The following C9 variants were observed in gnomAD, a reference collection of about 807,000 sequenced individuals.
The protein encoded by C9 is complement component C9.
Under a neutral mutation model 65.4 loss-of-function variants are expected in C9, and 63 were observed. The observed-to-expected ratio is 0.96, with a 90% CI of 0.79 to 1.19. The LOEUF is 1.19. Ranked by LOEUF, C9 falls within the 50% of genes most tolerant of loss-of-function variation. The probability of loss-of-function intolerance (pLI) is 0.00; values close to 1 mark genes in which losing one functional copy is unlikely to be tolerated. For synonymous variants in C9, 229 were observed against 227.9 expected (o/e 1.00, Z -0.04); for missense variants, 744 against 670.1 (o/e 1.11, Z -1.22).
chr5:39,306,521 T>G (rs1408158898), intron 9 of C9, 96 bp downstream of exon 9: 1 of 985,664 alleles, frequency 1.0e-6, no homozygotes, highest in Non-Finnish European at 1.6e-6. Context: ...AATGTTCACG[T>G]CTCTTTCAGA....
In C9 at chr5:39,284,321, C is replaced by CCTA. The variant is rs1752949611; in HGVS notation, c.*875_*877dup. 1 of 151,736 alleles carries CCTA rather than the reference C, an allele frequency of 6.6e-6. No homozygotes were observed. 9.4% of individuals were successfully genotyped at this position (151,736 alleles called of 1,614,324 possible). ...TCAGACCTTTCAAAAGGTCTCAGACCCTAAGCACCATGTTCTCTAATGAAT... is the reference window on the plus strand; with the variant it reads ...TCAGACCTTTCAAAAGGTCTCAGACCCTACTAAGCACCATGTTCTCTAATGAAT... On this transcript the variant is annotated 3_prime_UTR_variant, in exon 11 of 11. Coordinates refer to ENST00000263408, the MANE Select transcript of C9 (RefSeq NM_001737.5).
chr5:39,295,610 A>G (rs1206121737), intron 9 of C9, among the ~76,000 whole-genome samples: 1 of 151,776 alleles, frequency 6.6e-6, no homozygotes, highest in Non-Finnish European at 1.5e-5. Flanking sequence ...AACAATCTAC[A>G]GATTCAGTGC....
intron 1 of C9, among the ~76,000 whole-genome samples, chr5:39,342,571 TC>T (rs1303781634): frequency 6.6e-6 from 1 of 152,156 alleles, no homozygotes; most frequent in Non-Finnish European, 1.5e-5. Context: ...TTGTGTGTCT[TC>T]CTTCCCATCC....
At chr5:39,308,456 T>C (rs1753419541) in intron 7 of C9, 98 bp from the exon 8 acceptor site, 1 of 849,048 alleles carries the variant, frequency 1.2e-6, no homozygotes, top group Non-Finnish European at 2.0e-6. Context: ...CTTACTTAGG[T>C]TCCTATACAC....
chr5:39,290,939 G>C (rs1051877436), intron 9 of C9, among the ~76,000 whole-genome samples: 2 of 151,838 alleles, frequency 1.3e-5, no homozygotes, highest in African/African-American at 4.8e-5. Flanking sequence ...ATCATTAGTG[G>C]GGATGCTGGA....
At chr5:39,317,712 T>C (rs1343134274) in intron 5 of C9, among the ~76,000 whole-genome samples, 2 of 152,218 alleles carry the variant, frequency 1.3e-5, no homozygotes, top group African/African-American at 4.8e-5. Context: ...GTGTCTGTTT[T>C]TGCACCAGTA....
intron 5 of C9, among the ~76,000 whole-genome samples, chr5:39,322,914 T>A (rs1753687865): frequency 6.6e-6 from 1 of 152,116 alleles, no homozygotes; most frequent in African/African-American, 2.4e-5. Context: ...CACCATGTTA[T>A]ATGAGCATCT....
rs1039019699 is a variant in C9, at chr5:39,289,066, A to G, written c.1417-115T>C. 32 of 707,658 alleles carry G rather than the reference A, an allele frequency of 4.5e-5. 2 individuals carry two copies. Among genetic ancestry groups the G allele is most frequent in the Middle Eastern group, 7.4e-4 (2 of 2,718 alleles). The allele number at this position is 707,658 out of a possible 1,614,324, so 43.8% of individuals were successfully genotyped here. On this transcript the variant is annotated intron_variant, in intron 9 of 10. Transcript: ENST00000263408. The stretch of plus-strand genomic sequence containing the variant: ...CATTAATTCAACAAAGACTTATTGA[A>G]TGTATAGTATTGCCAGATGTGATGT...
chr5:39,301,967 AT>A (rs1012261132), intron 9 of C9, among the ~76,000 whole-genome samples: 461 of 151,742 alleles, frequency 3.0e-3, no homozygotes, highest in African/African-American at 0.011. Flanking sequence ...AATTATTTTG[AT>A]TTTTTTTTAA....
At chr5:39,309,497 G>A (rs1753441940) in intron 7 of C9, among the ~76,000 whole-genome samples, 1 of 152,112 alleles carries the variant, frequency 6.6e-6, no homozygotes, top group Non-Finnish European at 1.5e-5. Flanking sequence ...ATTTCCCATG[G>A]GAAGGGAAGA....
In C9 at chr5:39,288,742, A is replaced by G. The variant is rs773166568; in HGVS notation, c.1626T>C (p.Ser542=). 78 of 1,608,750 alleles carry G rather than the reference A, an allele frequency of 4.8e-5. No homozygotes were observed. Among genetic ancestry groups the G allele is most frequent in the Non-Finnish European group, 6.5e-5 (77 of 1,175,648 alleles). Residue 542 remains serine (S), a synonymous_variant, in exon 10 of 11, where the codon AGT becomes AGC. Coordinates refer to ENST00000263408, the MANE Select transcript of C9 (RefSeq NM_001737.5). The part of the protein sequence containing the change: ...FKFEGIACEI[S]KQKISEGLPA... Reference sequence around the variant, plus strand: ...CCTCACCTTCAGAAATTTTTTGTTTACTGATTTCACAGGCAATTCCCTCAA... The same window carrying G: ...CCTCACCTTCAGAAATTTTTTGTTTGCTGATTTCACAGGCAATTCCCTCAA...
intron 9 of C9, among the ~76,000 whole-genome samples, chr5:39,302,774 A>G (rs1753307128): frequency 6.6e-6 from 1 of 152,178 alleles, no homozygotes; most frequent in Admixed American, 6.5e-5. Context: ...ATCCATTTGC[A>G]TGAAGTAGGT....
At chr5:39,310,257 C>T (rs1753456440) in intron 7 of C9, among the ~76,000 whole-genome samples, 3 of 151,994 alleles carry the variant, frequency 2.0e-5, no homozygotes, top group Non-Finnish European at 2.9e-5. Flanking sequence ...ACACTGACCC[C>T]GTAAAAGCCA....
chr5:39,308,914 T>C (rs1303735319), intron 7 of C9, among the ~76,000 whole-genome samples: 1 of 152,158 alleles, frequency 6.6e-6, no homozygotes, highest in African/African-American at 2.4e-5. Context: ...AACTTCATAA[T>C]TTGGATGAGA....
intron 10 of C9, among the ~76,000 whole-genome samples, chr5:39,286,948 G>A (rs1029201061): frequency 2.6e-5 from 4 of 151,906 alleles, no homozygotes; most frequent in African/African-American, 7.2e-5. Context: ...GATAAACGAG[G>A]CTGTGAACTT....
In C9 at chr5:39,284,631, T is replaced by C. The variant is rs1018638071; in HGVS notation, c.*568A>G. ...CCTCTGGTAAACTAGTAGTTTTTGG[T>C]TACAAATATAATATGTTTTCCCCCT... On this transcript the variant is annotated 3_prime_UTR_variant, in exon 11 of 11. Transcript: ENST00000263408. 2.6e-5 allele frequency: 4 copies of C among 152,476 alleles called. No homozygotes were observed. Among genetic ancestry groups the C allele is most frequent in the African/African-American group, 9.6e-5 (4 of 41,462 alleles). 9.4% of individuals were successfully genotyped at this position (152,476 alleles called of 1,614,324 possible).
At position 39,285,746 on chromosome 5, in the gene C9, A is replaced by T. The variant is rs138453906; in HGVS notation, c.1646-513T>A. Reference sequence around the variant, plus strand: ...GGAAGTGAGCCAGATGAATCCAATGACCAACCTGGTTGAGAGCCATTGGTC... The same window carrying T: ...GGAAGTGAGCCAGATGAATCCAATGTCCAACCTGGTTGAGAGCCATTGGTC... On this transcript the variant is annotated intron_variant, in intron 10 of 10. Transcript: ENST00000263408. Among the ~76,000 whole-genome samples the T allele has an allele frequency of 4.0e-3, 599 of 151,094 alleles. 2 individuals carry two copies. The highest frequency in any genetic ancestry group is 6.1e-3 in the Admixed American group (92 of 15,140).
At chr5:39,334,288 C>T (rs1753909733) in intron 4 of C9, among the ~76,000 whole-genome samples, 1 of 150,758 alleles carries the variant, frequency 6.6e-6, no homozygotes, top group Non-Finnish European at 1.5e-5. Context: ...GTGAGAAGCG[C>T]CTCTGCCCGG....
chr5:39,333,682 C>T (rs1753890838), intron 4 of C9, among the ~76,000 whole-genome samples: 1 of 129,876 alleles, frequency 7.7e-6, no homozygotes, highest in Non-Finnish European at 1.7e-5. Flanking sequence ...GACTGTACTG[C>T]CGCCATCTTG....
Sources: allele counts gnomAD v4.1 joint callset (sites outside exome capture counted in the v4.1 genomes callset), GRCh38; gene constraint gnomAD v4.1.1; transcripts MANE v1.5; gene names NCBI Gene and HGNC (gene_info 2026-07-23, HGNC 2026-07-21).